Variants in VRK2 observed in about 807,000 individuals in gnomAD.
VRK2 encodes serine/threonine-protein kinase VRK2.
A neutral mutation model predicts 57.6 loss-of-function variants in VRK2; 60 were observed. That is an observed-to-expected ratio of 1.04 (90% confidence interval 0.85 to 1.29). The LOEUF (loss-of-function observed/expected upper bound fraction) is 1.29. Ranked by LOEUF, VRK2 falls within the 50% of genes most tolerant of loss-of-function variation. The pLI is 0.00. For synonymous variants in VRK2, 231 were observed against 199.2 expected, an observed-to-expected ratio of 1.16 and a Z score of -1.35; for missense variants, 705 against 588.1, an observed-to-expected ratio of 1.20 and a Z score of -2.06.
chr2:58,037,579 T>C (rs1197097190), intron 3 of VRK2, among the ~76,000 whole-genome samples: 1 of 152,104 alleles, frequency 6.6e-6, no homozygotes, highest in Non-Finnish European at 1.5e-5. Context: ...TTCATAAAAG[T>C]GTTTTAAAAG....
At chr2:57,948,874 G>A (rs1671340084) in intron 1 of VRK2, among the ~76,000 whole-genome samples, 1 of 152,080 alleles carries the variant, frequency 6.6e-6, no homozygotes, top group Non-Finnish European at 1.5e-5. Context: ...TGTCATTGAA[G>A]TTAAGCGGAA....
chr2:58,049,229 ACTTT>A (rs1297699994), intron 2 of VRK2, among the ~76,000 whole-genome samples: 1 of 152,140 alleles, frequency 6.6e-6, no homozygotes, highest in African/African-American at 2.4e-5. Context: ...CAAAATGCTA[ACTTT>A]CTTTTTTTTT....
At chr2:58,140,273 G>A (rs866231510) in intron 11 of VRK2, among the ~76,000 whole-genome samples, 2 of 148,280 alleles carry the variant, frequency 1.3e-5, no homozygotes, top group Non-Finnish European at 2.9e-5. Context: ...GTTCTTTACA[G>A]AAAATAAAAG....
intron 11 of VRK2, among the ~76,000 whole-genome samples, chr2:58,144,446 T>C (rs1325673078): frequency 1.3e-5 from 2 of 152,032 alleles, no homozygotes; most frequent in Admixed American, 6.6e-5. Context: ...ATAACTTGAT[T>C]GTTGTATTCA....
chr2:58,123,843 A>G (rs1677892791), intron 8 of VRK2, among the ~76,000 whole-genome samples: 1 of 151,620 alleles, frequency 6.6e-6, no homozygotes. Context: ...CGACAGAGCA[A>G]GACCCCTCAG....
chr2:57,948,945 G>C (rs1023912662), intron 1 of VRK2, among the ~76,000 whole-genome samples: 1 of 152,016 alleles, frequency 6.6e-6, no homozygotes, highest in African/African-American at 2.4e-5. Context: ...GGAACACTAA[G>C]GTAAAGCTAG....
chr2:57,944,438 T>G (rs2103963208), intron 1 of VRK2, among the ~76,000 whole-genome samples: 1 of 152,264 alleles, frequency 6.6e-6, no homozygotes, highest in African/African-American at 2.4e-5. Flanking sequence ...AAAATAATTT[T>G]TTAAAAGGAA....
intron 2 of VRK2, among the ~76,000 whole-genome samples, chr2:58,078,774 A>G (rs1249220925): frequency 1.3e-5 from 2 of 152,148 alleles, no homozygotes; most frequent in Non-Finnish European, 2.9e-5. Flanking sequence ...GGTGTTGAGC[A>G]TGTTTTCATA....
intron 9 of VRK2, 85 bp from the exon 10 acceptor site, chr2:58,135,056 C>A: frequency 2.1e-6 from 3 of 1,448,338 alleles, no homozygotes; most frequent in African/African-American, 1.4e-5. Context: ...GGTGACCTAC[C>A]AACACATAGA....
intron 2 of VRK2, among the ~76,000 whole-genome samples, chr2:58,070,500 C>T (rs1283075195): frequency 6.6e-6 from 1 of 152,132 alleles, no homozygotes; most frequent in Non-Finnish European, 1.5e-5. Flanking sequence ...CCTCAGGCAA[C>T]CACTTCTCTT....
At chr2:58,026,537 T>C (rs771431453) in intron 2 of VRK2, among the ~76,000 whole-genome samples, 9 of 152,158 alleles carry the variant, frequency 5.9e-5, no homozygotes, top group Admixed American at 1.3e-4. Flanking sequence ...GTGTCAGTAT[T>C]GGCACGTGTA....
chr2:57,944,427 G>A (rs1572890736), intron 1 of VRK2, among the ~76,000 whole-genome samples: 1 of 152,174 alleles, frequency 6.6e-6, no homozygotes. Flanking sequence ...TATTAGGATA[G>A]AAAATAATTT....
intron 1 of VRK2, among the ~76,000 whole-genome samples, chr2:57,981,582 C>T (rs1372059006): frequency 1.3e-5 from 2 of 152,168 alleles, no homozygotes; most frequent in African/African-American, 4.8e-5. Flanking sequence ...ATGCCAACCT[C>T]TGTGGTGAGA....
At chr2:57,959,989 T>C (rs975279369) in intron 1 of VRK2, among the ~76,000 whole-genome samples, 4 of 136,874 alleles carry the variant, frequency 2.9e-5, no homozygotes, top group Non-Finnish European at 6.1e-5. Context: ...GGTGAGAAAT[T>C]GGGATGTGTG....
intron 11 of VRK2, among the ~76,000 whole-genome samples, chr2:58,142,305 C>A (rs1044538631): frequency 6.6e-5 from 10 of 150,864 alleles, no homozygotes; most frequent in African/African-American, 2.2e-4. Flanking sequence ...ACTTACATCA[C>A]CTTTTTGCAA....
intron 1 of VRK2, among the ~76,000 whole-genome samples, chr2:57,996,695 A>C (rs933267008): frequency 2.6e-5 from 4 of 152,150 alleles, no homozygotes; most frequent in African/African-American, 9.6e-5. Context: ...AAAGATTGTT[A>C]TTATTATACT....
At chr2:58,087,651 G>T (rs1217522745) in intron 5 of VRK2, among the ~76,000 whole-genome samples, 3 of 152,146 alleles carry the variant, frequency 2.0e-5, no homozygotes, top group Non-Finnish European at 4.4e-5. Context: ...GTTTATAAAT[G>T]TATAGAGACG....
intron 8 of VRK2, 151 bp from the exon 9 acceptor site, chr2:58,131,657 G>T: frequency 3.1e-6 from 3 of 956,052 alleles, no homozygotes; most frequent in Non-Finnish European, 4.4e-6. Flanking sequence ...CCAAATGCTT[G>T]GGCGTTTAAG....
At position 58,035,535 on chromosome 2, in the gene VRK2, T is replaced by C. The variant is rs140867379; in HGVS notation, c.-6+1982T>C. Reference sequence around the variant, plus strand: ...GAACATTTCATGACTCGAGTAACATTTGCATTTCATAGTTGATTGAGTAGC... The same window carrying C: ...GAACATTTCATGACTCGAGTAACATCTGCATTTCATAGTTGATTGAGTAGC... On this transcript the variant is annotated intron_variant, in intron 3 of 15. Transcript: ENST00000417641. Among the ~76,000 whole-genome samples, 393 of 152,142 alleles carry C rather than the reference T, an allele frequency of 2.6e-3. 2 individuals are homozygous for C. Among genetic ancestry groups the C allele is most frequent in the African/African-American group, 8.6e-3 (358 of 41,532 alleles).
Sources: allele counts gnomAD v4.1 joint callset (sites outside exome capture counted in the v4.1 genomes callset), GRCh38; gene constraint gnomAD v4.1.1; transcripts MANE v1.5; gene names NCBI Gene and HGNC (gene_info 2026-07-23, HGNC 2026-07-21).